The following CNTN4 variants were observed in gnomAD, a reference collection of about 807,000 sequenced individuals.
The protein encoded by CNTN4 is contactin-4.
A neutral mutation model predicts 122.5 loss-of-function variants in CNTN4; 77 were observed. The observed-to-expected ratio is 0.63, with a 90% confidence interval of 0.52 to 0.76. The LOEUF is 0.76. CNTN4 is among the 30% of genes least tolerant of loss of function. The pLI, the probability that CNTN4 is intolerant of heterozygous loss-of-function variation, is 0.00. For missense variants in CNTN4, 1,256 were observed against 1,259.1 expected (o/e 1.00, Z 0.04); for synonymous variants, 512 against 447.0 (o/e 1.15, Z -1.83).
chr3:2,460,747 A>G (rs772620012), intron 3 of CNTN4, among the ~76,000 whole-genome samples: 2 of 152,210 alleles, frequency 1.3e-5, no homozygotes, highest in South Asian at 2.1e-4. Flanking sequence ...AGATTAGTCT[A>G]TTAAATGTGA....
At chr3:2,616,980 G>A (rs114954622) in intron 4 of CNTN4, among the ~76,000 whole-genome samples, 7,217 of 152,006 alleles carry the variant, frequency 0.047, 565 homozygotes, top group African/African-American at 0.16. Flanking sequence ...CACCTTATAC[G>A]AAAATTAACT....
chr3:2,307,710 G>T (rs1337333141), intron 2 of CNTN4, among the ~76,000 whole-genome samples: 1 of 152,060 alleles, frequency 6.6e-6, no homozygotes, highest in Non-Finnish European at 1.5e-5. Flanking sequence ...TTAATATGGT[G>T]TGCTACATTG....
chr3:2,635,378 A>G (rs368102247), intron 4 of CNTN4, among the ~76,000 whole-genome samples: 4 of 152,288 alleles, frequency 2.6e-5, no homozygotes, highest in South Asian at 2.1e-4. Context: ...TCTATTAACA[A>G]TTTTAGCCAT....
At chr3:2,707,067 A>T (rs2149306750) in intron 4 of CNTN4, among the ~76,000 whole-genome samples, 1 of 152,186 alleles carries the variant, frequency 6.6e-6, no homozygotes, top group Non-Finnish European at 1.5e-5. Context: ...TAGGAGGCCG[A>T]GGCAGGTGGA....
chr3:2,929,584 G>A (rs2094502394), intron 13 of CNTN4, among the ~76,000 whole-genome samples: 1 of 152,106 alleles, frequency 6.6e-6, no homozygotes, highest in Non-Finnish European at 1.5e-5. Context: ...GTATGACAGG[G>A]CTTAGGTGCT....
At chr3:2,561,854 T>C (rs930488354) in intron 3 of CNTN4, among the ~76,000 whole-genome samples, 10 of 152,184 alleles carry the variant, frequency 6.6e-5, no homozygotes, top group African/African-American at 1.9e-4. Context: ...GATTTTGTCA[T>C]GTGTACTTGA....
rs1465429761 is a variant in CNTN4, at chr3:2,237,824, T to G, written c.-144-101354T>G. On this transcript the variant is annotated intron_variant, in intron 2 of 24. Coordinates refer to ENST00000418658, the MANE Select transcript of CNTN4 (RefSeq NM_175607.3). ...CAAGTGAGACAGTTTGACTTTCATA[T>G]GAAGATTAAATAATTAATTTTGCTT... Among the ~76,000 whole-genome samples the G allele has an allele frequency of 2.6e-5, 4 of 152,312 alleles. No homozygotes were observed. The East Asian group carries it at 7.7e-4, about 29-fold the overall frequency.
At chr3:2,747,363 G>A (rs551182156) in intron 6 of CNTN4, among the ~76,000 whole-genome samples, 2 of 151,490 alleles carry the variant, frequency 1.3e-5, no homozygotes, top group Non-Finnish European at 2.9e-5. Flanking sequence ...GAGCCGAGAT[G>A]GCGCCACTGG....
intron 13 of CNTN4, among the ~76,000 whole-genome samples, chr3:2,930,411 T>A (rs930852214): frequency 6.6e-6 from 1 of 152,230 alleles, no homozygotes; most frequent in South Asian, 2.1e-4. Context: ...TGTTTATTTT[T>A]AAAAATTAAT....
chr3:2,130,034 G>A (rs1426645750), intron 2 of CNTN4, among the ~76,000 whole-genome samples: 1 of 152,060 alleles, frequency 6.6e-6, no homozygotes, highest in African/African-American at 2.4e-5. Flanking sequence ...TTTAAAAGAT[G>A]TAAATAACTA....
chr3:2,890,073 C>G (rs1455876287), intron 10 of CNTN4, among the ~76,000 whole-genome samples: 1 of 152,232 alleles, frequency 6.6e-6, no homozygotes, highest in Non-Finnish European at 1.5e-5. Context: ...TCAGCCTTAG[C>G]TCACTTGTCA....
intron 13 of CNTN4, among the ~76,000 whole-genome samples, chr3:2,934,605 T>C (rs2094552240): frequency 6.6e-6 from 1 of 152,236 alleles, no homozygotes; most frequent in Admixed American, 6.5e-5. Context: ...GCTTCAGGCA[T>C]TCTGTCTCTG....
intron 7 of CNTN4, among the ~76,000 whole-genome samples, chr3:2,825,820 A>T (rs901446622): frequency 2.0e-5 from 3 of 152,158 alleles, no homozygotes; most frequent in Non-Finnish European, 2.9e-5. Context: ...TGATTCTGCG[A>T]TTATTTTCAT....
At chr3:2,672,968 G>C (rs982233711) in intron 4 of CNTN4, among the ~76,000 whole-genome samples, 1 of 152,164 alleles carries the variant, frequency 6.6e-6, no homozygotes, top group African/African-American at 2.4e-5. Context: ...ATTGCAATTT[G>C]ATAACTACAA....
At chr3:2,258,778 T>G (rs1311529783) in intron 2 of CNTN4, among the ~76,000 whole-genome samples, 2 of 152,014 alleles carry the variant, frequency 1.3e-5, no homozygotes, top group African/African-American at 4.8e-5. Context: ...CTAACCTTTT[T>G]ATATTTTTTT....
intron 2 of CNTN4, among the ~76,000 whole-genome samples, chr3:2,202,994 T>TA (rs1040568511): frequency 1.4e-4 from 21 of 148,966 alleles, no homozygotes; most frequent in Admixed American, 9.3e-4. Flanking sequence ...GCTAATTATT[T>TA]TTTTTTTTTT....
At chr3:2,978,348 G>A (rs1198163255) in intron 13 of CNTN4, among the ~76,000 whole-genome samples, 3 of 152,170 alleles carry the variant, frequency 2.0e-5, no homozygotes, top group South Asian at 4.1e-4. Flanking sequence ...GCTGCTACTG[G>A]TTTAAAGTCA....
intron 2 of CNTN4, among the ~76,000 whole-genome samples, chr3:2,107,826 T>C (rs1239163592): frequency 6.6e-6 from 1 of 152,186 alleles, no homozygotes; most frequent in Non-Finnish European, 1.5e-5. Flanking sequence ...TATGTCACTT[T>C]GGTTGTGTGC....
At chr3:2,366,305 A>G (rs984257118) in intron 3 of CNTN4, among the ~76,000 whole-genome samples, 29 of 152,348 alleles carry the variant, frequency 1.9e-4, no homozygotes, top group African/African-American at 6.5e-4. Context: ...TCAATTTCAT[A>G]TAAGTAAAGT....
Sources: allele counts gnomAD v4.1 joint callset (sites outside exome capture counted in the v4.1 genomes callset), GRCh38; gene constraint gnomAD v4.1.1; transcripts MANE v1.5; gene names NCBI Gene and HGNC (gene_info 2026-07-23, HGNC 2026-07-21).